The following FGD3 variants were observed in gnomAD, a reference collection of about 807,000 sequenced individuals.
The protein encoded by FGD3 is FYVE, RhoGEF and PH domain containing 3.
FGD3 carries 45 observed loss-of-function variants against 71.8 expected under a neutral mutation model. The observed-to-expected ratio is 0.63, with a 90% confidence interval of 0.49 to 0.80. FGD3 has a LOEUF of 0.80. Among genes scored for constraint, FGD3 ranks in the 30% least tolerant of loss-of-function variants. The probability of loss-of-function intolerance (pLI) is 0.00; values close to 1 mark genes in which losing one functional copy is unlikely to be tolerated. For synonymous variants in FGD3, 378 were observed against 392.8 expected, an observed-to-expected ratio of 0.96 and a Z score of 0.44; for missense variants, 844 against 951.5, an observed-to-expected ratio of 0.89 and a Z score of 1.49.
chr9:92,984,744 C>T (rs1479582529), intron 3 of FGD3, among the ~76,000 whole-genome samples: 1 of 151,956 alleles, frequency 6.6e-6, no homozygotes, highest in Non-Finnish European at 1.5e-5. Context: ...TTAGACACTA[C>T]CAGGGACTGG....
In FGD3 at chr9:93,029,944, A is replaced by G. The variant is rs1862292239; in HGVS notation, c.1628A>G (p.Glu543Gly). 1 of 1,613,610 alleles carries G rather than the reference A, an allele frequency of 6.2e-7. No homozygotes were observed. The highest frequency in any genetic ancestry group is 1.3e-5 in the African/African-American group (1 of 75,044). The change falls in exon 15 of 18, where the codon GAG (glutamate) becomes GGG (glycine). Residue 543 changes from glutamate to glycine, a missense_variant. By Grantham distance (98) the Glu-to-Gly change is moderately conservative (BLOSUM62 -2). Transcript: ENST00000375482. The part of the protein sequence containing the change: ...KEKQSCKSCG[E>G]TFNSITKRRH... ...AAGCAGAGCTGTAAGAGCTGTGGTG[A>G]GACCTTCAACTCCATCACCAAGAGG...
chr9:92,949,052 T>C (rs1437116663), intron 1 of FGD3, among the ~76,000 whole-genome samples: 4 of 152,182 alleles, frequency 2.6e-5, no homozygotes, highest in Non-Finnish European at 5.9e-5. Context: ...GGGCCTTTAG[T>C]TGGGCTCCTA....
chr9:92,954,692 CCT>C (rs1335844138), intron 1 of FGD3, among the ~76,000 whole-genome samples: 1 of 152,178 alleles, frequency 6.6e-6, no homozygotes, highest in African/African-American at 2.4e-5. Context: ...CGCACTTTGG[CCT>C]CTCTGAACCT....
At position 92,969,292 on chromosome 9, in the gene FGD3, CCT is replaced by C. The variant is rs1859449470; in HGVS notation, c.-217-5941_-217-5940del. ...CTGTCGGCGGGGATGCCCCCGCATG[CCT>C]CTCTGAGTGGCTAAGCCTCCCTCAC... On this transcript the variant is annotated intron_variant, in intron 1 of 17. Coordinates refer to ENST00000375482, the MANE Select transcript of FGD3 (RefSeq NM_001083536.2). The surrounding 1 kb of genome is among the most constrained non-coding windows in gnomAD (Gnocchi z 4.5). 6.6e-6 allele frequency among the ~76,000 whole-genome samples: 1 copy of C among 152,190 alleles called. No individual in the cohort carries two copies. The highest frequency in any genetic ancestry group is 1.5e-5 in the Non-Finnish European group (1 of 68,040).
intron 6 of FGD3, among the ~76,000 whole-genome samples, chr9:93,009,540 G>C (rs1353730663): frequency 2.0e-5 from 3 of 152,228 alleles, no homozygotes; most frequent in African/African-American, 7.2e-5. Flanking sequence ...GGCATCATCA[G>C]GGGAGGCAGA....
At chr9:92,966,267 G>C (rs1472518832) in intron 1 of FGD3, among the ~76,000 whole-genome samples, 1 of 152,092 alleles carries the variant, frequency 6.6e-6, no homozygotes, top group African/African-American at 2.4e-5. Flanking sequence ...GTGTGAAATG[G>C]GGGCAGCCAC....
At chr9:92,990,455 T>C (rs1029446706) in intron 3 of FGD3, among the ~76,000 whole-genome samples, 1 of 152,230 alleles carries the variant, frequency 6.6e-6, no homozygotes, top group Non-Finnish European at 1.5e-5. Flanking sequence ...TCCAGTACTA[T>C]GTTGAATAAT....
chr9:92,989,687 G>A (rs112837223), intron 3 of FGD3, among the ~76,000 whole-genome samples: 3,594 of 152,252 alleles, frequency 0.024, 158 homozygotes, highest in African/African-American at 0.082. Context: ...GCCGGTAGGC[G>A]AATAGTCAAT....
chr9:92,949,787 G>C (rs1458239499), intron 1 of FGD3, among the ~76,000 whole-genome samples: 2 of 152,118 alleles, frequency 1.3e-5, no homozygotes, highest in Non-Finnish European at 2.9e-5. Flanking sequence ...CAACACCCCT[G>C]TTCGAGTGTG....
intron 1 of FGD3, among the ~76,000 whole-genome samples, chr9:92,954,869 C>T (rs1387020530): frequency 6.6e-6 from 1 of 152,158 alleles, no homozygotes; most frequent in Non-Finnish European, 1.5e-5. Context: ...GACATTTCCT[C>T]CACCTCTCTG....
At position 93,003,105 on chromosome 9, in the gene FGD3, CA is replaced by C; in HGVS notation, c.543+92del. ...TGTGAATGACTTAAATACTAAAACT[CA>C]GACAAATTTAAGTCTGGTCTACAAA... On this transcript the variant is annotated intron_variant, in intron 4 of 17. Coordinates refer to ENST00000375482, the MANE Select transcript of FGD3 (RefSeq NM_001083536.2). This position sits in a 1 kb window ranked among gnomAD's most constrained non-coding sequence, Gnocchi z 4.1. 1 of 1,236,544 alleles carries C rather than the reference CA, an allele frequency of 8.1e-7. No individual in the cohort carries two copies. Among genetic ancestry groups the C allele is most frequent in the Non-Finnish European group, 1.2e-6 (1 of 865,928 alleles). 76.6% of individuals were successfully genotyped at this position (1,236,544 alleles called of 1,614,324 possible).
intron 2 of FGD3, among the ~76,000 whole-genome samples, chr9:92,975,871 C>T (rs777021171): frequency 6.6e-5 from 10 of 152,202 alleles, no homozygotes; most frequent in Non-Finnish European, 1.2e-4. Context: ...ACAGAAGCCA[C>T]TGTGTTCCTT....
rs535200349 is a variant in FGD3 at position 92,984,385 on chromosome 9, G to A, written c.453+7676G>A. 2.0e-3 allele frequency among the ~76,000 whole-genome samples: 301 copies of A among 152,158 alleles called. 10 individuals are homozygous for A. In the South Asian group the frequency reaches 0.061, roughly 31 times the overall value. Reference sequence around the variant, plus strand: ...CTTTACCTTTATAACTTTTGAATTAGACAAATTAATTTTCCTTCTGTTAGG... The same window carrying A: ...CTTTACCTTTATAACTTTTGAATTAAACAAATTAATTTTCCTTCTGTTAGG... On this transcript the variant is annotated intron_variant, in intron 3 of 17. Coordinates refer to ENST00000375482, the MANE Select transcript of FGD3 (RefSeq NM_001083536.2).
chr9:93,018,598 C>G (rs552307660), intron 11 of FGD3, among the ~76,000 whole-genome samples: 2 of 152,244 alleles, frequency 1.3e-5, no homozygotes, highest in South Asian at 4.1e-4. Context: ...ATGTGGTGAC[C>G]TGGTGAGTTT....
chr9:92,973,838 C>T (rs1272717481), intron 1 of FGD3, among the ~76,000 whole-genome samples: 1 of 152,190 alleles, frequency 6.6e-6, no homozygotes, highest in East Asian at 1.9e-4. Context: ...TCTCTCTCTG[C>T]AGCTCTCTCA....
intron 1 of FGD3, among the ~76,000 whole-genome samples, chr9:92,961,804 T>C (rs1281368528): frequency 6.6e-6 from 1 of 152,144 alleles, no homozygotes; most frequent in Non-Finnish European, 1.5e-5. Flanking sequence ...GGGCCTTAGT[T>C]CCTCTCCGCA....
chr9:92,981,382 A>AG (rs1252525538), intron 3 of FGD3, among the ~76,000 whole-genome samples: 1 of 151,094 alleles, frequency 6.6e-6, no homozygotes, highest in Non-Finnish European at 1.5e-5. Context: ...AAAAAAAAAA[A>AG]AAGAAAAAAA....
At chr9:92,962,087 C>T (rs1859177517) in intron 1 of FGD3, among the ~76,000 whole-genome samples, 1 of 152,198 alleles carries the variant, frequency 6.6e-6, no homozygotes, top group Non-Finnish European at 1.5e-5. Context: ...AATGATGTCA[C>T]TCCCAGGTGG....
chr9:93,013,851 G>A lies in FGD3; in HGVS notation c.1036-1G>A. 1 of 1,612,622 alleles carries A rather than the reference G, an allele frequency of 6.2e-7. No individual in the cohort carries two copies. Among genetic ancestry groups the A allele is most frequent in the Non-Finnish European group, 8.5e-7 (1 of 1,179,464 alleles). On this transcript the variant is annotated splice_acceptor_variant, in intron 8 of 17. Transcript: ENST00000375482. LOFTEE classifies it high-confidence loss of function. ...GTGCCTGAGTCCCATGTCTCTTGCAGGAGAAAATGCACAAGCTCTTGGAGG... is the reference window on the plus strand; with the variant it reads ...GTGCCTGAGTCCCATGTCTCTTGCAAGAGAAAATGCACAAGCTCTTGGAGG...
Sources: gnomAD v4.1 joint callset for allele counts (sites outside exome capture counted in the v4.1 genomes callset) on GRCh38, gnomAD v4.1.1 for gene constraint, Gnocchi (gnomAD v3.1) non-coding constraint, MANE v1.5 for transcripts, NCBI Gene and HGNC (gene_info 2026-07-23, HGNC 2026-07-21) for gene names.